Variants in IDH3G observed in about 807,000 individuals in gnomAD.
IDH3G encodes isocitrate dehydrogenase [NAD] subunit gamma, mitochondrial.
IDH3G carries 9 observed loss-of-function variants against 26.9 expected under a neutral mutation model. The ratio of observed to expected loss-of-function variants is 0.34; its 90% CI spans 0.20 to 0.58. IDH3G has a LOEUF of 0.58. Ranked by LOEUF, IDH3G falls within the 20% of genes least tolerant of loss-of-function variation. The pLI is 0.85. For synonymous variants in IDH3G, 181 were observed against 160.0 expected (o/e 1.13, Z -0.99); for missense variants, 250 against 372.8 (o/e 0.67, Z 2.71).
rs1042825464 is a variant in IDH3G, at chrX:153,787,535, G to A, written c.603C>T (p.Ala201=). Residue 201 remains alanine (A), a synonymous_variant, in exon 8 of 13, where the codon GCC becomes GCT. Transcript: ENST00000217901. ...CCTGCGCCAGCTTGAAGGCATACTC[G>A]GCAATGCGCAGGGACTTGGCCTTGG... ...IITKAKSLRI[A]EYAFKLAQES... is the part of the protein sequence containing the mutation. 8.3e-6 allele frequency: 10 copies of A among 1,209,945 alleles called. No individual in the cohort carries two copies. Among genetic ancestry groups the A allele is most frequent in the African/African-American group, 1.7e-5 (1 of 57,469 alleles).
At chrX:153,787,678 C>T (rs1300799431) in intron 7 of IDH3G, 81 bp from the exon 8 acceptor site, 7 of 1,150,938 alleles carry the variant, frequency 6.1e-6, no homozygotes, top group South Asian at 5.7e-5. Context: ...ACCGGGCCAC[C>T]GTGGGAAGCA....
Position 153,794,306 on chromosome X carries a change from G to A in IDH3G, c.21C>T (p.Thr7=). The change falls in exon 1 of 13, where the codon ACC becomes ACT. Residue 7 remains threonine, a synonymous_variant. Transcript: ENST00000217901. ...CCGCCTTCGCGGCGCTGCCGGCGACGGTCGCTACCTTCAGCGCCATGACGG... is the reference window on the plus strand; with the variant it reads ...CCGCCTTCGCGGCGCTGCCGGCGACAGTCGCTACCTTCAGCGCCATGACGG... MALKVA[T]VAGSAAKAVL... 2.5e-6 allele frequency: 3 copies of A among 1,197,744 alleles called. No homozygotes were observed. Among genetic ancestry groups the A allele is most frequent in the Non-Finnish European group, 3.4e-6 (3 of 890,075 alleles).
At position 153,786,856 on chromosome X, in the gene IDH3G, C is replaced by T. The variant is rs781978985; in HGVS notation, c.869G>A (p.Gly290Asp). 8.3e-7 allele frequency: 1 copy of T among 1,210,696 alleles called. No individual in the cohort carries two copies. Among genetic ancestry groups the T allele is most frequent in the South Asian group, 1.8e-5 (1 of 57,008 alleles). ...GTTGGCCCCAGCCACAAGGCCTGGG[C>T]CCCCGACCAGTCCCGCGCAGACATT... Reference protein sequence around the residue: ...VNNVCAGLVGGPGLVAGANYG... With the variant: ...VNNVCAGLVGDPGLVAGANYG... The change falls in exon 10 of 13, where the codon GGC becomes GAC. Residue 290 changes from glycine to aspartate, a missense_variant. Gly to Asp is a moderately conservative substitution (Grantham distance 94). This residue lies in a region of IDH3G where 201 missense variants were observed against 331.3 expected (regional missense o/e 0.61). Transcript: ENST00000217901.
rs782030431 is a variant in IDH3G at position 153,790,291 on chromosome X, G to A, written c.137C>T (p.Pro46Leu). The change falls in exon 4 of 13, where the codon CCT (proline) becomes CTT (leucine). Residue 46 changes from proline (P) to leucine (L), a missense_variant and splice_region_variant. Coordinates refer to ENST00000217901, the MANE Select transcript of IDH3G (RefSeq NM_004135.4). The stretch of plus-strand genomic sequence containing the variant: ...CCGCCCGCCATACTTAGCGGACGGA[G>A]GCTGTGGGAGGCAGAGGGTGAAGGT... ...SRNIFSEQTIPPSAKYGGRHT... is the reference protein window; with the variant it reads ...SRNIFSEQTILPSAKYGGRHT... 4 of 1,201,580 alleles carry A rather than the reference G, an allele frequency of 3.3e-6. No individual in the cohort carries two copies. Among genetic ancestry groups the A allele is most frequent in the Non-Finnish European group, 3.4e-6 (3 of 886,861 alleles).
intron 3 of IDH3G, 74 bp downstream of exon 3, chrX:153,790,490 C>T: frequency 9.2e-7 from 1 of 1,084,858 alleles, no homozygotes; most frequent in South Asian, 1.9e-5. Context: ...AGCAGCCCAC[C>T]CCCACCTGGA....
Position 153,786,082 on chromosome X carries a change from G to T in IDH3G, c.1081-109C>A, listed in dbSNP as rs1284153358. ...CAGGAGGGAAGTGGCACCAGCTAAG[G>T]GCCAGAAGATGGGGCCAGATCCAGT... On this transcript the variant is annotated intron_variant, in intron 12 of 12. Coordinates refer to ENST00000217901, the MANE Select transcript of IDH3G (RefSeq NM_004135.4). 9.2e-6 allele frequency: 11 copies of T among 1,199,364 alleles called. No homozygotes were observed. In the African/African-American group the frequency reaches 1.9e-4, roughly 21 times the overall value.
chrX:153,790,354 C>T, intron 3 of IDH3G, 62 bp from the exon 4 acceptor site: 1 of 1,023,193 alleles, frequency 9.8e-7, no homozygotes, highest in Middle Eastern at 2.6e-4. Context: ...AGCTCGGCCC[C>T]CATGGGCTCA....
chrX:153,787,345 C>T lies in IDH3G; in HGVS notation c.674+119G>A, dbSNP rs919117098. 7.1e-6 allele frequency: 7 copies of T among 979,886 alleles called. No homozygotes were observed. The Admixed American group carries it at 7.2e-5, about 10-fold the overall frequency. 80.8% of individuals were successfully genotyped at this position (979,886 alleles called of 1,213,427 possible). On this transcript the variant is annotated intron_variant, in intron 8 of 12. Transcript: ENST00000217901. ...AAGGCCTCGAGGGCAACAGGGCACT[C>T]GCCTAGGGTGGCACCTCGGTGGGTA... is the stretch of plus-strand genomic sequence containing the variant.
intron 4 of IDH3G, 71 bp from the exon 5 acceptor site, chrX:153,789,895 TACCTCTC>T: frequency 1.4e-6 from 1 of 714,756 alleles, no homozygotes; most frequent in Non-Finnish European, 2.2e-6. Flanking sequence ...CTGCCCAGGC[TACCTCTC>T]TCCTGTTGCT....
At chrX:153,793,348 G>A (rs1304213486) in intron 1 of IDH3G, among the ~76,000 whole-genome samples, 1 of 112,090 alleles carries the variant, frequency 8.9e-6, no homozygotes, top group Non-Finnish European at 1.9e-5. Flanking sequence ...TCCCCCAGAG[G>A]TCAGAAGGAG....
chrX:153,790,781 C>T (rs939152395), intron 2 of IDH3G, 29 bp downstream of exon 2: 9 of 1,202,625 alleles, frequency 7.5e-6, no homozygotes, highest in Non-Finnish European at 1.0e-5. Context: ...TGGAGAAAGA[C>T]ACATGCGTGG....
intron 5 of IDH3G, among the ~76,000 whole-genome samples, chrX:153,789,371 C>G (rs2092100680): frequency 8.9e-6 from 1 of 112,303 alleles, no homozygotes; most frequent in Non-Finnish European, 1.9e-5. Context: ...TGGTGAAACC[C>G]ACTCTCTACT....
chrX:153,791,170 A>G (rs1372642790), intron 1 of IDH3G: 5 of 290,301 alleles, frequency 1.7e-5, no homozygotes, highest in Non-Finnish European at 1.8e-5. Context: ...CCGCTCAGCG[A>G]TGTTTGTAAC....
rs782578846 is a variant in IDH3G, at chrX:153,788,122, G to A, written c.360C>T (p.Thr120=). 6 of 1,211,990 alleles carry A rather than the reference G, an allele frequency of 5.0e-6. No homozygotes were observed. In the Admixed American group the frequency reaches 1.1e-4, roughly 22 times the overall value. The change falls in exon 6 of 13, where the codon ACC becomes ACT. Residue 120 remains threonine, a synonymous_variant. Coordinates refer to ENST00000217901, the MANE Select transcript of IDH3G (RefSeq NM_004135.4). ...TGTGCGACGGTGGCAGGTTATGGTTGGTTTCGATGTTGCCTACAAAACACA... is the reference window on the plus strand; with the variant it reads ...TGTGCGACGGTGGCAGGTTATGGTTAGTTTCGATGTTGCCTACAAAACACA... ...NRVALKGNIE[T]NHNLPPSHKS... is the part of the protein sequence containing the mutation.
chrX:153,786,359 G>A lies in IDH3G; in HGVS notation c.1015C>T (p.Leu339Phe). The part of the protein sequence containing the change: ...LLASCMMLDH[L>F]KLHSYATSIR... ...GGGGCACTGGGAGCCACTCACTTGA[G>A]GTGGTCCAGCATCATGCAGCTGGCC... is the stretch of plus-strand genomic sequence containing the variant. Residue 339 changes from leucine to phenylalanine, a missense_variant, in exon 11 of 13, where the codon CTC becomes TTC. Physicochemically the swap from Leu to Phe is conservative, Grantham distance 22. Coordinates refer to ENST00000217901, the MANE Select transcript of IDH3G (RefSeq NM_004135.4). The A allele has an allele frequency of 8.3e-7, 1 of 1,208,841 alleles. No homozygotes were observed.
In IDH3G at chrX:153,786,827, C is replaced by G. The variant is rs2092090325; in HGVS notation, c.898G>C (p.Gly300Arg). 8.3e-7 allele frequency: 1 copy of G among 1,209,066 alleles called. No individual in the cohort carries two copies. The highest frequency in any genetic ancestry group is 1.7e-5 in the African/African-American group (1 of 57,704). ...GTTTCAAACACCGCGTACACATGGCCATAGTTGGCCCCAGCCACAAGGCCT... is the reference window on the plus strand; with the variant it reads ...GTTTCAAACACCGCGTACACATGGCGATAGTTGGCCCCAGCCACAAGGCCT... ...GPGLVAGANY[G>R]HVYAVFETAT... is the part of the protein sequence containing the mutation. Residue 300 changes from glycine to arginine, a missense_variant, in exon 10 of 13, where the codon GGC (glycine) becomes CGC (arginine). Physicochemically the swap from Gly to Arg is moderately radical, Grantham distance 125 (BLOSUM62 -2). Coordinates refer to ENST00000217901, the MANE Select transcript of IDH3G (RefSeq NM_004135.4).
At chrX:153,794,174 T>C in intron 1 of IDH3G, 72 bp downstream of exon 1, 1 of 1,084,307 alleles carries the variant, frequency 9.2e-7, no homozygotes, top group Non-Finnish European at 1.2e-6. Flanking sequence ...GACTCCAGAC[T>C]GCTTCGGGTG....
In IDH3G at chrX:153,787,804, T is replaced by C. The variant is rs1381335611; in HGVS notation, c.540+19A>G. 8.4e-7 allele frequency: 1 copy of C among 1,197,482 alleles called. No homozygotes were observed. Among genetic ancestry groups the C allele is most frequent in the East Asian group, 3.0e-5 (1 of 33,537 alleles). Reference sequence around the variant, plus strand: ...AATCTTGACGCTGGGGGGGCTCATCTCGGGCCCCCCATGCACACCTCATGC... The same window carrying C: ...AATCTTGACGCTGGGGGGGCTCATCCCGGGCCCCCCATGCACACCTCATGC... On this transcript the variant is annotated intron_variant, in intron 7 of 12. Transcript: ENST00000217901.
Position 153,789,862 on chromosome X carries a change from C to T in IDH3G, c.234-38G>A, listed in dbSNP as rs782562943. On this transcript the variant is annotated intron_variant, in intron 4 of 12. Transcript: ENST00000217901. The stretch of plus-strand genomic sequence containing the variant: ...AGGGTCAGGGAGGCTGGCCCAGACC[C>T]CCCCGCACCTCCTCCAGGAAGCCTG... 7 of 919,487 alleles carry T rather than the reference C, an allele frequency of 7.6e-6. No individual in the cohort carries two copies. The African/African-American group carries it at 1.3e-4, about 18-fold the overall frequency. 75.8% of individuals were successfully genotyped at this position (919,487 alleles called of 1,213,427 possible).
Sources: allele counts gnomAD v4.1 joint callset (sites outside exome capture counted in the v4.1 genomes callset), GRCh38; gene constraint gnomAD v4.1.1; regional missense constraint gnomAD v4.1.1; transcripts MANE v1.5; gene names NCBI Gene and HGNC (gene_info 2026-07-23, HGNC 2026-07-21).